The following MARK3 variants were observed in gnomAD, a reference collection of about 807,000 sequenced individuals.
The protein encoded by MARK3 is MAP/microtubule affinity-regulating kinase 3.
A neutral mutation model predicts 90.1 loss-of-function variants in MARK3; 46 were observed. The observed-to-expected ratio is 0.51, with a 90% CI of 0.40 to 0.65. The LOEUF (loss-of-function observed/expected upper bound fraction) is 0.65. Ranked by LOEUF, MARK3 falls within the 30% of genes least tolerant of loss-of-function variation. The probability of loss-of-function intolerance (pLI) is 0.00; values close to 1 mark genes in which losing one functional copy is unlikely to be tolerated. For missense variants in MARK3, 818 were observed against 947.2 expected, an observed-to-expected ratio of 0.86 and a Z score of 1.79; for synonymous variants, 321 against 332.6, an observed-to-expected ratio of 0.97 and a Z score of 0.38.
chr14:103,411,676 G>A (rs1277895381), intron 2 of MARK3, among the ~76,000 whole-genome samples: 1 of 151,922 alleles, frequency 6.6e-6, no homozygotes, highest in Admixed American at 6.6e-5. Flanking sequence ...AGGCTGGAGT[G>A]CAGTGGCGGG....
chr14:103,437,615 C>T (rs915554318), intron 3 of MARK3, among the ~76,000 whole-genome samples: 22 of 152,240 alleles, frequency 1.4e-4, no homozygotes, highest in African/African-American at 5.1e-4. Flanking sequence ...GTACCAAGGA[C>T]TTATTATGCT....
At chr14:103,495,465 T>C (rs1271615293) in intron 15 of MARK3, among the ~76,000 whole-genome samples, 1 of 145,498 alleles carries the variant, frequency 6.9e-6, no homozygotes, top group Non-Finnish European at 1.5e-5. Context: ...GGCGACAGAT[T>C]GACACTCCAT....
chr14:103,465,864 T>C (rs887737879), intron 8 of MARK3, 71 bp downstream of exon 8: 20 of 1,543,124 alleles, frequency 1.3e-5, no homozygotes, highest in Non-Finnish European at 1.7e-5. Context: ...GCTTAATATT[T>C]TTAACATTAT....
intron 2 of MARK3, among the ~76,000 whole-genome samples, chr14:103,424,480 C>T (rs981798442): frequency 6.6e-6 from 1 of 150,876 alleles, no homozygotes; most frequent in South Asian, 2.1e-4. Flanking sequence ...GAACTGTGAT[C>T]ATGTCACTGC....
At chr14:103,496,649 G>A (rs1000443575) in intron 15 of MARK3, among the ~76,000 whole-genome samples, 6 of 151,906 alleles carry the variant, frequency 3.9e-5, no homozygotes, top group Non-Finnish European at 8.8e-5. Context: ...CTGACCTCAA[G>A]TGATCCGCCC....
chr14:103,489,240 C>T (rs1447764840), intron 14 of MARK3, among the ~76,000 whole-genome samples: 1 of 152,226 alleles, frequency 6.6e-6, no homozygotes, highest in African/African-American at 2.4e-5. Context: ...CTCCTGCAAA[C>T]ATTTTCTGAC....
intron 12 of MARK3, among the ~76,000 whole-genome samples, chr14:103,473,443 A>C (rs954420702): frequency 6.6e-6 from 1 of 152,254 alleles, no homozygotes; most frequent in Admixed American, 6.5e-5. Flanking sequence ...CTAAACACAA[A>C]TAAAAGCTGG....
chr14:103,430,969 G>A lies in MARK3; in HGVS notation c.297+2529G>A, dbSNP rs189955121. Among the ~76,000 whole-genome samples the A allele has an allele frequency of 2.0e-5, 3 of 152,138 alleles. No homozygotes were observed. The East Asian group carries it at 5.8e-4, about 29-fold the overall frequency. ...TCCACTTTAGCCTCCCAAGTAGCTGGGACTACAAATGCACACCACAGCATC... is the reference window on the plus strand; with the variant it reads ...TCCACTTTAGCCTCCCAAGTAGCTGAGACTACAAATGCACACCACAGCATC... On this transcript the variant is annotated intron_variant, in intron 3 of 17. Coordinates refer to ENST00000429436, the MANE Select transcript of MARK3 (RefSeq NM_001128918.3).
chr14:103,395,591 C>G (rs2090530639), intron 1 of MARK3, among the ~76,000 whole-genome samples: 2 of 152,318 alleles, frequency 1.3e-5, no homozygotes, highest in Admixed American at 6.5e-5. Context: ...CCATTTTCTT[C>G]CCCTTGGTTC....
intron 1 of MARK3, among the ~76,000 whole-genome samples, chr14:103,399,190 C>G (rs2090780497): frequency 6.6e-6 from 1 of 152,056 alleles, no homozygotes; most frequent in African/African-American, 2.4e-5. Flanking sequence ...TTAAATGTGT[C>G]TAAGAAATGT....
rs71126012 is a variant in MARK3, at chr14:103,391,709, ATTTTTT to A, written c.51+5652_51+5657del. On this transcript the variant is annotated intron_variant, in intron 1 of 17. Coordinates refer to ENST00000429436, the MANE Select transcript of MARK3 (RefSeq NM_001128918.3). Reference sequence around the variant, plus strand: ...CAGGCTCCCGCCACCATGCCTGGCTATTTTTTTTTTTTTTTTTTTTTTTTTTTTAGT... The same window carrying A: ...CAGGCTCCCGCCACCATGCCTGGCTATTTTTTTTTTTTTTTTTTTTTTAGT... Among the ~76,000 whole-genome samples, 170 of 69,698 alleles carry A rather than the reference ATTTTTT, an allele frequency of 2.4e-3. 1 individual carries two copies. The highest frequency in any genetic ancestry group is 8.3e-3 in the Middle Eastern group (1 of 120). 45.7% of individuals were successfully genotyped at this position (69,698 alleles called of 152,430 possible). A position where few individuals can be genotyped will look rare whatever the true frequency, so the allele number is the denominator to read the frequency against.
At chr14:103,498,915 G>A (rs1205848308) in intron 16 of MARK3, 2 of 154,280 alleles carry the variant, frequency 1.3e-5, no homozygotes, top group African/African-American at 4.8e-5. Context: ...AGTATTAGTT[G>A]TGTTATTTTT....
chr14:103,466,400 T>G lies in MARK3; in HGVS notation c.955T>G (p.Phe319Val). 6.2e-7 allele frequency: 1 copy of G among 1,614,028 alleles called. No homozygotes were observed. The highest frequency in any genetic ancestry group is 8.5e-7 in the Non-Finnish European group (1 of 1,179,920). Reference sequence around the variant, plus strand: ...GCATGAAGAAGATGAACTCAAACCATTTGTTGAACCAGAGCTAGACATCTC... The same window carrying G: ...GCATGAAGAAGATGAACTCAAACCAGTTGTTGAACCAGAGCTAGACATCTC... The part of the protein sequence containing the change: ...AGHEEDELKP[F>V]VEPELDISDQ... The change falls in exon 10 of 18, where the codon TTT (phenylalanine) becomes GTT (valine). Residue 319 changes from phenylalanine (F) to valine (V), a missense_variant. Transcript: ENST00000429436.
chr14:103,399,605 C>A (rs1289448497), intron 1 of MARK3, among the ~76,000 whole-genome samples: 2 of 149,384 alleles, frequency 1.3e-5, no homozygotes, highest in Non-Finnish European at 3.0e-5. Flanking sequence ...AGGCTGAGGC[C>A]AGAGAATGGC....
At chr14:103,388,278 T>C (rs896736390) in intron 1 of MARK3, among the ~76,000 whole-genome samples, 1 of 152,256 alleles carries the variant, frequency 6.6e-6, no homozygotes, top group Non-Finnish European at 1.5e-5. Flanking sequence ...AAAATCAAGT[T>C]TATCACACAT....
intron 13 of MARK3, among the ~76,000 whole-genome samples, chr14:103,476,463 C>T (rs2093716689): frequency 6.6e-6 from 1 of 152,074 alleles, no homozygotes; most frequent in African/African-American, 2.4e-5. Context: ...CAACCTGAAT[C>T]CAGCTCTTAA....
At chr14:103,502,675 C>G (rs2142190716) in intron 17 of MARK3, among the ~76,000 whole-genome samples, 1 of 152,260 alleles carries the variant, frequency 6.6e-6, no homozygotes, top group East Asian at 1.9e-4. Context: ...CTAGGTAGAT[C>G]TTTTTGTGTG....
At chr14:103,432,687 C>CA (rs531251205) in intron 3 of MARK3, among the ~76,000 whole-genome samples, 28 of 148,354 alleles carry the variant, frequency 1.9e-4, no homozygotes, top group Non-Finnish European at 2.5e-4. Context: ...CCGTCTCTAC[C>CA]AAAAAAAAAA....
At chr14:103,494,149 G>A (rs898098792) in intron 15 of MARK3, among the ~76,000 whole-genome samples, 1 of 150,724 alleles carries the variant, frequency 6.6e-6, no homozygotes, top group Non-Finnish European at 1.5e-5. Flanking sequence ...CAGGAGAATC[G>A]CTTGAACCTG....
Sources: allele counts gnomAD v4.1 joint callset (sites outside exome capture counted in the v4.1 genomes callset), GRCh38; gene constraint gnomAD v4.1.1; transcripts MANE v1.5; gene names NCBI Gene and HGNC (gene_info 2026-07-23, HGNC 2026-07-21).